MACROH2A2: variants seen among roughly 807,000 people sequenced by gnomAD.
The protein encoded by MACROH2A2 is macroH2A.2 histone.
Under a neutral mutation model 37.6 loss-of-function variants are expected in MACROH2A2, and 6 were observed. The ratio of observed to expected loss-of-function variants is 0.16; its 90% CI spans 0.09 to 0.32. The LOEUF (loss-of-function observed/expected upper bound fraction) is 0.32. MACROH2A2 is among the 10% of genes least tolerant of loss of function. The pLI is 1.00. For synonymous variants in MACROH2A2, 192 were observed against 202.7 expected (o/e 0.95, Z 0.45); for missense variants, 290 against 485.9 (o/e 0.60, Z 3.79).
chr10:70,095,626 C>A, intron 5 of MACROH2A2, 28 bp from the exon 6 acceptor site: 2 of 1,021,780 alleles, frequency 2.0e-6, no homozygotes, highest in Non-Finnish European at 3.1e-6. Context: ...ATCTTTTCCA[C>A]ATTCACCACC....
intron 2 of MACROH2A2, among the ~76,000 whole-genome samples, chr10:70,085,627 G>A (rs2072206248): frequency 6.6e-6 from 1 of 152,166 alleles, no homozygotes; most frequent in African/African-American, 2.4e-5. Context: ...AAAATAATGT[G>A]TATGAGCTTT....
chr10:70,078,046 C>A (rs1355212435), intron 2 of MACROH2A2, among the ~76,000 whole-genome samples: 1 of 152,234 alleles, frequency 6.6e-6, no homozygotes, highest in Non-Finnish European at 1.5e-5. Context: ...ATGAAAATAA[C>A]TAAGTACTTC....
At chr10:70,088,636 G>A (rs543366917) in intron 2 of MACROH2A2, among the ~76,000 whole-genome samples, 3 of 152,308 alleles carry the variant, frequency 2.0e-5, no homozygotes, top group East Asian at 1.9e-4. Context: ...CTAAAGTTTT[G>A]GGAAGTATGT....
chr10:70,089,195 C>T (rs1220474219), intron 2 of MACROH2A2, among the ~76,000 whole-genome samples: 3 of 152,242 alleles, frequency 2.0e-5, no homozygotes, highest in Non-Finnish European at 4.4e-5. Context: ...TCAGAGATGG[C>T]CCTGTGCCCC....
Position 70,111,560 on chromosome 10 carries a change from AG to A in MACROH2A2, c.997del (p.Ala333ProfsTer14). ...AGACTGCGGCCCAGGTGACCCTCAA[AG>A]CCATCTCAGCCCACTTTGATGACTC... The part of the protein sequence containing the change: ...KQTAAQVTLK[A>X]ISAHFDDSSA... On this transcript the variant is annotated frameshift_variant, in exon 9 of 9. Transcript: ENST00000373255. LOFTEE classifies it high-confidence loss of function. 1.9e-6 allele frequency: 3 copies of A among 1,613,812 alleles called. No homozygotes were observed. The highest frequency in any genetic ancestry group is 2.5e-6 in the Non-Finnish European group (3 of 1,179,906).
At position 70,053,680 on chromosome 10, in the gene MACROH2A2, G is replaced by T. The variant is rs1231719000; in HGVS notation, c.-60+680G>T. Among the ~76,000 whole-genome samples, 1 of 151,332 alleles carries T rather than the reference G, an allele frequency of 6.6e-6. No homozygotes were observed. Among genetic ancestry groups the T allele is most frequent in the African/African-American group, 2.4e-5 (1 of 41,330 alleles). Reference sequence around the variant, plus strand: ...GCGGGCGGGCGTGCGCCCCGGGGCCGGCGCGGAAGAGGGCGCGAGGCCGGG... The same window carrying T: ...GCGGGCGGGCGTGCGCCCCGGGGCCTGCGCGGAAGAGGGCGCGAGGCCGGG... On this transcript the variant is annotated intron_variant, in intron 1 of 8. Transcript: ENST00000373255. This position sits in a 1 kb window ranked among gnomAD's most constrained non-coding sequence, Gnocchi z 4.8.
chr10:70,077,724 A>G (rs1244930316), intron 2 of MACROH2A2, among the ~76,000 whole-genome samples: 2 of 152,226 alleles, frequency 1.3e-5, no homozygotes, highest in Admixed American at 1.3e-4. Flanking sequence ...TAATAATAAT[A>G]CAAAAATAAA....
intron 2 of MACROH2A2, among the ~76,000 whole-genome samples, chr10:70,083,144 G>A (rs569865714): frequency 2.0e-5 from 3 of 152,220 alleles, no homozygotes; most frequent in East Asian, 1.9e-4. Context: ...CTGAGCCCCC[G>A]GGGTCTCCAG....
intron 1 of MACROH2A2, among the ~76,000 whole-genome samples, chr10:70,066,628 C>A (rs1446555162): frequency 1.3e-5 from 2 of 152,128 alleles, no homozygotes; most frequent in African/African-American, 4.8e-5. Context: ...ATTTTGAGGA[C>A]ATGGTAAAGG....
Position 70,075,287 on chromosome 10 carries a change from A to G in MACROH2A2, c.-59-313A>G, listed in dbSNP as rs907677138. 6.6e-6 allele frequency among the ~76,000 whole-genome samples: 1 copy of G among 152,184 alleles called. No homozygotes were observed. The highest frequency in any genetic ancestry group is 2.4e-5 in the African/African-American group (1 of 41,444). Reference sequence around the variant, plus strand: ...AGTCACAGGTTCTGGGGATGAGGAAATTGACATCTTTGGGGATCATTGTTC... The same window carrying G: ...AGTCACAGGTTCTGGGGATGAGGAAGTTGACATCTTTGGGGATCATTGTTC... On this transcript the variant is annotated intron_variant, in intron 1 of 8. Coordinates refer to ENST00000373255, the MANE Select transcript of MACROH2A2 (RefSeq NM_018649.3). The surrounding 1 kb of genome is among the most constrained non-coding windows in gnomAD (Gnocchi z 5.0).
At chr10:70,056,982 G>T (rs1348284223) in intron 1 of MACROH2A2, among the ~76,000 whole-genome samples, 2 of 152,094 alleles carry the variant, frequency 1.3e-5, no homozygotes, top group Admixed American at 1.3e-4. Flanking sequence ...CTTGAAGATA[G>T]AATTTTTTTC....
intron 2 of MACROH2A2, among the ~76,000 whole-genome samples, chr10:70,082,424 AAAAAAAG>A (rs980429709): frequency 2.3e-4 from 35 of 152,174 alleles, no homozygotes; most frequent in African/African-American, 5.5e-4. Flanking sequence ...GTCAAAAAAA[AAAAAAAG>A]AAAAAAGAAA....
chr10:70,096,934 T>C (rs758046897), intron 6 of MACROH2A2, among the ~76,000 whole-genome samples: 7 of 152,250 alleles, frequency 4.6e-5, no homozygotes, highest in East Asian at 1.9e-4. Flanking sequence ...CGCCCTCTAG[T>C]AGCCTTCATC....
chr10:70,060,703 A>C (rs1018755964), intron 1 of MACROH2A2, among the ~76,000 whole-genome samples: 1 of 152,260 alleles, frequency 6.6e-6, no homozygotes, highest in African/African-American at 2.4e-5. Context: ...TGCTCAGAGA[A>C]GTAAAGAATG....
intron 1 of MACROH2A2, among the ~76,000 whole-genome samples, chr10:70,073,618 A>C (rs957212603): frequency 3.3e-5 from 5 of 152,226 alleles, no homozygotes; most frequent in African/African-American, 1.2e-4. Flanking sequence ...AAAATGCCCC[A>C]AACTTGAATC....
At position 70,107,096 on chromosome 10, in the gene MACROH2A2, G is replaced by A. The variant is rs1027734014; in HGVS notation, c.779-1937G>A. Among the ~76,000 whole-genome samples, 2 of 152,184 alleles carry A rather than the reference G, an allele frequency of 1.3e-5. No individual in the cohort carries two copies. The highest frequency in any genetic ancestry group is 4.8e-5 in the African/African-American group (2 of 41,460). On this transcript the variant is annotated intron_variant, in intron 7 of 8. Transcript: ENST00000373255. The surrounding 1 kb of genome is among the most constrained non-coding windows in gnomAD (Gnocchi z 4.4). The stretch of plus-strand genomic sequence containing the variant: ...ATATACGTGGTCGTAGAGTCAGCAC[G>A]CATGGCGGGCCCCTACCCAGGGCCT...
intron 1 of MACROH2A2, among the ~76,000 whole-genome samples, chr10:70,068,542 A>G (rs148801820): frequency 0.015 from 2,209 of 152,320 alleles, 51 homozygotes; most frequent in African/African-American, 0.05. Flanking sequence ...TTGGAGTCAG[A>G]TTGGACACTG....
chr10:70,054,009 G>A (rs2071994875), intron 1 of MACROH2A2, among the ~76,000 whole-genome samples: 1 of 152,096 alleles, frequency 6.6e-6, no homozygotes, highest in Non-Finnish European at 1.5e-5. Flanking sequence ...AGCCCGGCCA[G>A]CCCCCCGGAT....
At chr10:70,066,419 A>T (rs1469787524) in intron 1 of MACROH2A2, among the ~76,000 whole-genome samples, 6 of 152,220 alleles carry the variant, frequency 3.9e-5, no homozygotes, top group Non-Finnish European at 8.8e-5. Flanking sequence ...GAAAACCAAG[A>T]AAGAGGAAGT....
Sources: gnomAD v4.1 joint callset for allele counts (sites outside exome capture counted in the v4.1 genomes callset) on GRCh38, gnomAD v4.1.1 for gene constraint, Gnocchi (gnomAD v3.1) non-coding constraint, MANE v1.5 for transcripts, NCBI Gene and HGNC (gene_info 2026-07-23, HGNC 2026-07-21) for gene names.